TRHDE: variants seen among roughly 807,000 people sequenced by gnomAD.
TRHDE encodes thyrotropin-releasing hormone-degrading ectoenzyme.
TRHDE carries 72 observed loss-of-function variants against 125.7 expected under a neutral mutation model. The observed-to-expected ratio is 0.57, with a 90% confidence interval of 0.47 to 0.70. The LOEUF is 0.70. Among genes scored for constraint, TRHDE ranks in the 30% least tolerant of loss-of-function variants. The pLI is 0.00. For synonymous variants in TRHDE, 509 were observed against 509.1 expected, an observed-to-expected ratio of 1.00 and a Z score of 0.00; for missense variants, 1,110 against 1,327.1, an observed-to-expected ratio of 0.84 and a Z score of 2.54.
intron 12 of TRHDE, among the ~76,000 whole-genome samples, chr12:72,611,654 G>A (rs1318730278): frequency 6.6e-6 from 1 of 152,182 alleles, no homozygotes; most frequent in East Asian, 1.9e-4. Context: ...GTAAAGAAGA[G>A]AGGGAAAAAT....
chr12:72,486,749 GA>G (rs1877427523), intron 5 of TRHDE, among the ~76,000 whole-genome samples: 1 of 151,980 alleles, frequency 6.6e-6, no homozygotes, highest in East Asian at 1.9e-4. Flanking sequence ...CAAGAAACAT[GA>G]AAAAGCAAGG....
chr12:72,180,009 A>C (rs138742722), intron 2 of TRHDE, among the ~76,000 whole-genome samples: 6 of 151,886 alleles, frequency 4.0e-5, no homozygotes, highest in African/African-American at 1.4e-4. Flanking sequence ...CTAATAAATA[A>C]TTACTATTAA....
chr12:72,140,146 T>G (rs1272922031), intron 2 of TRHDE: 1 of 152,182 alleles, frequency 6.6e-6, no homozygotes, highest in Non-Finnish European at 1.5e-5. Flanking sequence ...AGGAGAGAAT[T>G]AATAAAGAGT....
Position 72,188,491 on chromosome 12 carries a change from T to G in TRHDE, n.279+82739T>G, listed in dbSNP as rs190019951. Among the ~76,000 whole-genome samples, 94 of 152,200 alleles carry G rather than the reference T, an allele frequency of 6.2e-4. No homozygotes were observed. In the Middle Eastern group the frequency reaches 0.014, roughly 22 times the overall value. On this transcript the variant is annotated intron_variant and non_coding_transcript_variant, in intron 2 of 4. Transcript: ENST00000548156. Reference sequence around the variant, plus strand: ...GCTCCCAACCCTGTACCAAGTAGAGTTGGGATAGTAACAGTAAATTTAAAT... The same window carrying G: ...GCTCCCAACCCTGTACCAAGTAGAGGTGGGATAGTAACAGTAAATTTAAAT...
At chr12:72,625,964 G>A (rs562734450) in intron 15 of TRHDE, among the ~76,000 whole-genome samples, 2 of 151,988 alleles carry the variant, frequency 1.3e-5, no homozygotes, top group South Asian at 4.1e-4. Context: ...GGTGCTATAT[G>A]GCAGAAGCCA....
chr12:72,585,145 T>C (rs1007042274), intron 12 of TRHDE, among the ~76,000 whole-genome samples: 1 of 152,204 alleles, frequency 6.6e-6, no homozygotes, highest in Admixed American at 6.5e-5. Flanking sequence ...CTATAGCCTC[T>C]ACAAGTCATT....
At chr12:72,398,488 C>A (rs1872901210) in intron 3 of TRHDE, among the ~76,000 whole-genome samples, 1 of 152,110 alleles carries the variant, frequency 6.6e-6, no homozygotes, top group Non-Finnish European at 1.5e-5. Flanking sequence ...TCTATTTATT[C>A]AATTGAAAGT....
chr12:72,480,240 T>A (rs1197610884), intron 5 of TRHDE, among the ~76,000 whole-genome samples: 1 of 150,644 alleles, frequency 6.6e-6, no homozygotes, highest in East Asian at 2.0e-4. Context: ...ATCACCACAC[T>A]GACTTCCACA....
chr12:72,250,702 T>G (rs1259467741), intron 2 of TRHDE, among the ~76,000 whole-genome samples: 1 of 151,858 alleles, frequency 6.6e-6, no homozygotes. Flanking sequence ...AGAGTAGATC[T>G]GAGGATTTCT....
chr12:72,138,793 T>C (rs982163941), intron 2 of TRHDE, among the ~76,000 whole-genome samples: 5 of 152,218 alleles, frequency 3.3e-5, no homozygotes, highest in African/African-American at 1.2e-4. Flanking sequence ...GTGACACTCA[T>C]CAGTGCCCTG....
intron 12 of TRHDE, among the ~76,000 whole-genome samples, chr12:72,580,129 T>C (rs1404136393): frequency 6.6e-6 from 1 of 152,218 alleles, no homozygotes; most frequent in Non-Finnish European, 1.5e-5. Context: ...TAAATCAATT[T>C]GTACAGTATT....
intron 2 of TRHDE, among the ~76,000 whole-genome samples, chr12:72,351,185 C>T (rs974166176): frequency 1.3e-5 from 2 of 151,970 alleles, no homozygotes; most frequent in East Asian, 1.9e-4. Context: ...ATCTTTCCTG[C>T]TTGTGATAAT....
chr12:72,307,040 T>A (rs922187427), intron 2 of TRHDE, among the ~76,000 whole-genome samples: 1 of 152,148 alleles, frequency 6.6e-6, no homozygotes, highest in African/African-American at 2.4e-5. Flanking sequence ...AGATCAGATA[T>A]GTATGTGTGT....
At chr12:72,237,734 AC>A (rs1878362652) in intron 2 of TRHDE, among the ~76,000 whole-genome samples, 1 of 152,166 alleles carries the variant, frequency 6.6e-6, no homozygotes, top group Non-Finnish European at 1.5e-5. Flanking sequence ...GCCATGCGGA[AC>A]TGTGGGTCAA....
At chr12:72,238,303 TATA>T (rs1565669879) in intron 2 of TRHDE, among the ~76,000 whole-genome samples, 3 of 32,046 alleles carry the variant, frequency 9.4e-5, no homozygotes, top group African/African-American at 3.5e-4. Context: ...TATATATATA[TATA>T]TATATATATA....
intron 3 of TRHDE, among the ~76,000 whole-genome samples, chr12:72,466,121 G>A (rs990380362): frequency 6.6e-6 from 1 of 152,114 alleles, no homozygotes; most frequent in African/African-American, 2.4e-5. Flanking sequence ...GGTCACCAGT[G>A]CCTGATATCT....
chr12:72,471,393 TAA>T (rs1465708508), intron 4 of TRHDE, among the ~76,000 whole-genome samples: 2 of 152,200 alleles, frequency 1.3e-5, no homozygotes, highest in Non-Finnish European at 2.9e-5. Flanking sequence ...AATGCTCCTA[TAA>T]ATGACAAGTT....
chr12:72,534,910 C>T (rs1188060463), intron 6 of TRHDE, among the ~76,000 whole-genome samples: 3 of 151,944 alleles, frequency 2.0e-5, no homozygotes, highest in African/African-American at 2.4e-5. Context: ...GGAAGAAGAG[C>T]TTAACCAGTG....
At position 72,409,626 on chromosome 12, in the gene TRHDE, A is replaced by C. The variant is rs554718987; in HGVS notation, c.1315+31505A>C. On this transcript the variant is annotated intron_variant, in intron 3 of 18. Transcript: ENST00000261180. Reference sequence around the variant, plus strand: ...GCTCTAGTTGATCCTCTATGGATGTAAATGTGACAGAAATAAACCTTTGTT... The same window carrying C: ...GCTCTAGTTGATCCTCTATGGATGTCAATGTGACAGAAATAAACCTTTGTT... 7.2e-5 allele frequency among the ~76,000 whole-genome samples: 11 copies of C among 152,328 alleles called. No homozygotes were observed. In the South Asian group the frequency reaches 2.1e-3, roughly 29 times the overall value.
Sources: gnomAD v4.1 joint callset for allele counts (sites outside exome capture counted in the v4.1 genomes callset) on GRCh38, gnomAD v4.1.1 for gene constraint, MANE v1.5 for transcripts, NCBI Gene and HGNC (gene_info 2026-07-23, HGNC 2026-07-21) for gene names.